The following GPHN variants were observed in gnomAD, a reference collection of about 807,000 sequenced individuals.
The protein encoded by GPHN is gephyrin.
GPHN carries 17 observed loss-of-function variants against 95.5 expected under a neutral mutation model. That is an observed-to-expected ratio of 0.18 (90% CI 0.12 to 0.27). The LOEUF (loss-of-function observed/expected upper bound fraction) is 0.27. Ranked by LOEUF, GPHN falls within the 10% of genes least tolerant of loss-of-function variation. The pLI, the probability that GPHN is intolerant of heterozygous loss-of-function variation, is 1.00. For synonymous variants in GPHN, 320 were observed against 322.5 expected, an observed-to-expected ratio of 0.99 and a Z score of 0.08; for missense variants, 660 against 978.1, an observed-to-expected ratio of 0.67 and a Z score of 4.34.
chr14:66,559,630 T>C (rs2060147868), intron 1 of GPHN, among the ~76,000 whole-genome samples: 1 of 152,016 alleles, frequency 6.6e-6, no homozygotes, highest in South Asian at 2.1e-4. Flanking sequence ...TTGAAGATTC[T>C]GGATATTAGC....
chr14:67,437,826 G>A, the GPHN span, among the ~76,000 whole-genome samples: 4 of 152,124 alleles, frequency 2.6e-5, no homozygotes, highest in African/African-American at 9.7e-5. Context: ...ACTGGTGGGA[G>A]GCAGGTGGAC....
At chr14:66,841,188 A>C (rs1434613728) in intron 4 of GPHN, among the ~76,000 whole-genome samples, 1 of 152,032 alleles carries the variant, frequency 6.6e-6, no homozygotes, top group African/African-American at 2.4e-5. Flanking sequence ...AGAACTGGAG[A>C]TGGTAAGCGC....
At chr14:66,828,906 C>A (rs754294224) in intron 4 of GPHN, among the ~76,000 whole-genome samples, 1 of 149,740 alleles carries the variant, frequency 6.7e-6, no homozygotes, top group African/African-American at 2.5e-5. Flanking sequence ...TATTTTTAGG[C>A]CCTGCATCAT....
At chr14:67,026,856 A>C (rs1485218633) in intron 10 of GPHN, among the ~76,000 whole-genome samples, 1 of 152,030 alleles carries the variant, frequency 6.6e-6, no homozygotes, top group Non-Finnish European at 1.5e-5. Context: ...GTTAGCCAGG[A>C]TGGTCTCGAT....
intron 4 of GPHN, among the ~76,000 whole-genome samples, chr14:66,846,769 ATAG>A (rs1322951897): frequency 1.2e-4 from 19 of 152,162 alleles, no homozygotes; most frequent in African/African-American, 4.6e-4. Flanking sequence ...TATTAGTTTC[ATAG>A]TAAAGAGTAG....
intron 2 of GPHN, among the ~76,000 whole-genome samples, chr14:66,771,699 A>G (rs947002885): frequency 4.7e-5 from 7 of 149,690 alleles, no homozygotes; most frequent in African/African-American, 1.2e-4. Context: ...AGCATTAGGT[A>G]TATCTCCCAA....
intron 5 of GPHN, among the ~76,000 whole-genome samples, chr14:66,904,141 G>T (rs1488480069): frequency 6.6e-6 from 1 of 152,110 alleles, no homozygotes; most frequent in Non-Finnish European, 1.5e-5. Flanking sequence ...CAAGAATGAA[G>T]CCGCGGACCT....
chr14:67,165,723 G>T (rs1221488468), intron 20 of GPHN, among the ~76,000 whole-genome samples: 1 of 152,186 alleles, frequency 6.6e-6, no homozygotes, highest in African/African-American at 2.4e-5. Context: ...AAGAGGAAAG[G>T]CCAGGCTACT....
At chr14:67,100,573 A>G (rs2077643136) in intron 12 of GPHN, among the ~76,000 whole-genome samples, 1 of 152,192 alleles carries the variant, frequency 6.6e-6, no homozygotes, top group Non-Finnish European at 1.5e-5. Context: ...CAAGTGTGGA[A>G]ATTACGAGGT....
At chr14:66,612,478 A>G (rs1035981941) in intron 1 of GPHN, among the ~76,000 whole-genome samples, 10 of 152,076 alleles carry the variant, frequency 6.6e-5, no homozygotes, top group Admixed American at 6.6e-4. Context: ...ATGTATCACC[A>G]TGTACCCATC....
the GPHN span, among the ~76,000 whole-genome samples, chr14:67,658,431 A>G: frequency 4.6e-5 from 7 of 151,888 alleles, no homozygotes; most frequent in Admixed American, 4.6e-4. Flanking sequence ...CGTCTCTACT[A>G]AAAGTACAAA....
the GPHN span, among the ~76,000 whole-genome samples, chr14:67,668,610 T>C: frequency 1.5e-5 from 2 of 135,964 alleles, no homozygotes; most frequent in Admixed American, 1.4e-4. Context: ...TAGGTATCTA[T>C]GAAGCACCTA....
At chr14:67,710,861 C>T in the GPHN span, among the ~76,000 whole-genome samples, 1 of 151,830 alleles carries the variant, frequency 6.6e-6, no homozygotes, top group Non-Finnish European at 1.5e-5. Context: ...AGTATTTATT[C>T]TATTACATTT....
chr14:66,593,813 A>G (rs2061860769), intron 1 of GPHN, among the ~76,000 whole-genome samples: 2 of 152,226 alleles, frequency 1.3e-5, no homozygotes, highest in South Asian at 2.1e-4. Context: ...TACTGAAAGT[A>G]CTAACCAGAA....
At chr14:66,701,575 C>G (rs1044100943) in intron 2 of GPHN, among the ~76,000 whole-genome samples, 1 of 152,136 alleles carries the variant, frequency 6.6e-6, no homozygotes, top group Non-Finnish European at 1.5e-5. Flanking sequence ...GCAGGGTAGC[C>G]CCTACCCCGC....
intron 10 of GPHN, among the ~76,000 whole-genome samples, chr14:67,041,516 C>G (rs1347419117): frequency 1.3e-5 from 2 of 152,130 alleles, no homozygotes; most frequent in Non-Finnish European, 2.9e-5. Context: ...TGGTCTCCAT[C>G]TTCATCCATG....
the GPHN span, among the ~76,000 whole-genome samples, chr14:67,431,121 G>A: frequency 3.1e-3 from 473 of 152,210 alleles, 2 homozygotes; most frequent in Non-Finnish European, 5.4e-3. Flanking sequence ...TAGGCTGGGC[G>A]TGGTGGCTCA....
At chr14:67,069,663 A>C (rs1260839231) in intron 11 of GPHN, among the ~76,000 whole-genome samples, 2 of 152,258 alleles carry the variant, frequency 1.3e-5, no homozygotes, top group Non-Finnish European at 2.9e-5. Context: ...TACAGCTTAT[A>C]ATCTAAAATA....
intron 1 of GPHN, among the ~76,000 whole-genome samples, chr14:66,562,288 T>A (rs1396330380): frequency 6.6e-6 from 1 of 152,192 alleles, no homozygotes; most frequent in Non-Finnish European, 1.5e-5. Flanking sequence ...TCTAGTATTG[T>A]ATACTTGAAA....
Sources: gnomAD v4.1 joint callset for allele counts (sites outside exome capture counted in the v4.1 genomes callset) on GRCh38, gnomAD v4.1.1 for gene constraint, MANE v1.5 for transcripts, NCBI Gene and HGNC (gene_info 2026-07-23, HGNC 2026-07-21) for gene names.